The following RIMS2 variants were observed in gnomAD, a reference collection of about 807,000 sequenced individuals.
RIMS2 encodes the protein regulating synaptic membrane exocytosis protein 2.
A neutral mutation model predicts 174.4 loss-of-function variants in RIMS2; 59 were observed. The ratio of observed to expected loss-of-function variants is 0.34; its 90% CI spans 0.27 to 0.42. The LOEUF (loss-of-function observed/expected upper bound fraction) is 0.42. Ranked by LOEUF, RIMS2 falls within the 10% of genes least tolerant of loss-of-function variation. The pLI, the probability that RIMS2 is intolerant of heterozygous loss-of-function variation, is 1.00. For missense variants in RIMS2, 1,620 were observed against 1,666.3 expected (o/e 0.97, Z 0.48); for synonymous variants, 606 against 572.5 (o/e 1.06, Z -0.84).
chr8:103,733,808 G>A (rs562404127), intron 2 of RIMS2, among the ~76,000 whole-genome samples: 3 of 152,114 alleles, frequency 2.0e-5, no homozygotes, highest in African/African-American at 4.8e-5. Flanking sequence ...GAGGGGTGGT[G>A]TAGGTGATTT....
At chr8:103,524,951 C>T (rs1227256437) in intron 1 of RIMS2, among the ~76,000 whole-genome samples, 1 of 152,182 alleles carries the variant, frequency 6.6e-6, no homozygotes, top group Non-Finnish European at 1.5e-5. Context: ...CTTCTTCTGT[C>T]ATCCAGTTTT....
rs534185104 is a variant in RIMS2, at chr8:103,915,040, G to A, written c.1813-455G>A. ...TTCAAGAAAGATCCATCATCATTAAGCACATTATCAGTGTTTCTAAAAGAT... is the reference window on the plus strand; with the variant it reads ...TTCAAGAAAGATCCATCATCATTAAACACATTATCAGTGTTTCTAAAAGAT... On this transcript the variant is annotated intron_variant, in intron 6 of 23. Transcript: ENST00000504942. Among the ~76,000 whole-genome samples the A allele has an allele frequency of 2.0e-5, 3 of 151,998 alleles. No individual in the cohort carries two copies. The South Asian group carries it at 6.2e-4, about 32-fold the overall frequency.
At position 103,967,025 on chromosome 8, in the gene RIMS2, A is replaced by C. The variant is rs142881484; in HGVS notation, c.2770+5892A>C. ...CCCAGAATATGCTCTATTTTAGTGA[A>C]TGGTTCCAGGTGAACTTGAGAAGAA... On this transcript the variant is annotated intron_variant, in intron 15 of 23. Transcript: ENST00000504942. Among the ~76,000 whole-genome samples, 252 of 151,676 alleles carry C rather than the reference A, an allele frequency of 1.7e-3. 2 individuals are homozygous for C. The highest frequency in any genetic ancestry group is 5.6e-3 in the African/African-American group (229 of 41,064).
At chr8:103,715,248 A>C (rs2138150281) in intron 2 of RIMS2, among the ~76,000 whole-genome samples, 1 of 152,230 alleles carries the variant, frequency 6.6e-6, no homozygotes, top group East Asian at 1.9e-4. Flanking sequence ...GGTTTGCTGC[A>C]CCTATCAGCC....
At chr8:103,589,571 C>T (rs374620502) in intron 1 of RIMS2, among the ~76,000 whole-genome samples, 137 of 151,714 alleles carry the variant, frequency 9.0e-4, no homozygotes, top group African/African-American at 3.2e-3. Context: ...AGTACACCCA[C>T]TGCTGGGTAT....
At chr8:103,705,073 T>G (rs2097209217) in intron 2 of RIMS2, among the ~76,000 whole-genome samples, 1 of 152,048 alleles carries the variant, frequency 6.6e-6, no homozygotes, top group Non-Finnish European at 1.5e-5. Flanking sequence ...CCTACTTTTT[T>G]GACTTAGCCA....
intron 1 of RIMS2, among the ~76,000 whole-genome samples, chr8:103,633,740 T>G (rs548255931): frequency 6.6e-6 from 1 of 152,304 alleles, no homozygotes; most frequent in African/African-American, 2.4e-5. Context: ...GGAATCAGTT[T>G]CTTCCTGGCT....
chr8:103,701,649 T>G (rs1157801283), intron 2 of RIMS2, among the ~76,000 whole-genome samples: 1 of 152,096 alleles, frequency 6.6e-6, no homozygotes, highest in African/African-American at 2.4e-5. Flanking sequence ...AAATTTTTTT[T>G]TTATTTGCTC....
chr8:103,833,645 T>C (rs1053280569), intron 3 of RIMS2, among the ~76,000 whole-genome samples: 1 of 152,160 alleles, frequency 6.6e-6, no homozygotes, highest in African/African-American at 2.4e-5. Flanking sequence ...AAAGCTCATC[T>C]AGTGAATTAT....
intron 10 of RIMS2, among the ~76,000 whole-genome samples, chr8:103,925,433 G>GT (rs1359563802): frequency 6.6e-6 from 1 of 151,338 alleles, no homozygotes; most frequent in Non-Finnish European, 1.5e-5. Flanking sequence ...TAAATGACAG[G>GT]TTTTTTTGAG....
intron 19 of RIMS2, among the ~76,000 whole-genome samples, chr8:104,023,744 T>C (rs1199842252): frequency 1.3e-5 from 2 of 152,116 alleles, no homozygotes; most frequent in African/African-American, 4.8e-5. Flanking sequence ...CTCATCCTTA[T>C]AAAGAGGTAT....
At chr8:103,814,888 CA>C (rs2098709687) in intron 3 of RIMS2, among the ~76,000 whole-genome samples, 2 of 152,040 alleles carry the variant, frequency 1.3e-5, no homozygotes, top group South Asian at 4.1e-4. Flanking sequence ...GGGGAGAAAC[CA>C]TTGCTAATGA....
intron 3 of RIMS2, among the ~76,000 whole-genome samples, chr8:103,864,352 A>G (rs918838084): frequency 2.0e-5 from 3 of 152,124 alleles, no homozygotes; most frequent in African/African-American, 7.2e-5. Flanking sequence ...TTGCTGCATC[A>G]CAGAGGTTTT....
At chr8:103,927,750 ATG>A in intron 10 of RIMS2, 1 of 782,764 alleles carries the variant, frequency 1.3e-6, no homozygotes. Flanking sequence ...GGATAGTTGT[ATG>A]TGTTTGTTTT....
intron 13 of RIMS2, among the ~76,000 whole-genome samples, chr8:103,938,524 G>A (rs183891781): frequency 6.6e-6 from 1 of 152,216 alleles, no homozygotes; most frequent in East Asian, 1.9e-4. Context: ...AATTCAAGAG[G>A]AGATTTGGGT....
intron 1 of RIMS2, among the ~76,000 whole-genome samples, chr8:103,553,798 A>G (rs1849145792): frequency 6.6e-6 from 1 of 152,178 alleles, no homozygotes; most frequent in Non-Finnish European, 1.5e-5. Context: ...CTGACTTCAA[A>G]CTATACTACA....
chr8:103,947,567 G>A (rs1197512095), intron 14 of RIMS2, among the ~76,000 whole-genome samples: 8 of 152,110 alleles, frequency 5.3e-5, no homozygotes, highest in African/African-American at 1.2e-4. Context: ...TTATCTAAAC[G>A]TATGTAAATA....
intron 22 of RIMS2, among the ~76,000 whole-genome samples, chr8:104,250,684 A>G (rs2099356262): frequency 6.6e-6 from 1 of 152,212 alleles, no homozygotes; most frequent in East Asian, 1.9e-4. Flanking sequence ...AGCTTCAAGC[A>G]TGTTAAATAG....
exon 3 of RIMS2, chr8:103,766,331 A>G (rs749942217): frequency 2.7e-5 from 43 of 1,613,376 alleles, no homozygotes; most frequent in Non-Finnish European, 2.7e-5. Flanking sequence ...AACCTGATCA[A>G]AAGGTTCTTC....
Sources: gnomAD v4.1 joint callset for allele counts (sites outside exome capture counted in the v4.1 genomes callset) on GRCh38, gnomAD v4.1.1 for gene constraint, MANE v1.5 for transcripts, NCBI Gene and HGNC (gene_info 2026-07-23, HGNC 2026-07-21) for gene names.